The following BAIAP3 variants were observed in gnomAD, a reference collection of about 807,000 sequenced individuals.
BAIAP3 encodes BAI1-associated protein 3.
A neutral mutation model predicts 149.7 loss-of-function variants in BAIAP3; 180 were observed. The ratio of observed to expected loss-of-function variants is 1.20; its 90% CI spans 1.07 to 1.36. The LOEUF is 1.36. Ranked by LOEUF, BAIAP3 falls within the 40% of genes most tolerant of loss-of-function variation. The pLI is 0.00. For missense variants in BAIAP3, 1,767 were observed against 1,563.4 expected, an observed-to-expected ratio of 1.13 and a Z score of -2.20; for synonymous variants, 845 against 670.7, an observed-to-expected ratio of 1.26 and a Z score of -4.02.
Position 1,344,014 on chromosome 16 carries a change from C to T in BAIAP3, c.1387-8C>T. 6.2e-7 allele frequency: 1 copy of T among 1,611,958 alleles called. No homozygotes were observed. Among genetic ancestry groups the T allele is most frequent in the South Asian group, 1.1e-5 (1 of 91,068 alleles). On this transcript the variant is annotated splice_region_variant and splice_polypyrimidine_tract_variant and intron_variant, in intron 15 of 33. Transcript: ENST00000426824. Reference sequence around the variant, plus strand: ...GGCTGCTGGCACTGAAGGGCCCTGTCCCCACAGGAGGAGAGCCTGGCTGAT... The same window carrying T: ...GGCTGCTGGCACTGAAGGGCCCTGTTCCCACAGGAGGAGAGCCTGGCTGAT...
At chr16:1,347,458 A>C (rs565365092) in intron 29 of BAIAP3, 87 bp from the exon 30 acceptor site, 9 of 1,584,550 alleles carry the variant, frequency 5.7e-6, no homozygotes, top group Non-Finnish European at 7.7e-6. Flanking sequence ...CTTGAGCATG[A>C]GGTGGCCCCA....
chr16:1,347,589 G>C lies in BAIAP3; in HGVS notation c.2868G>C (p.Glu956Asp). 6.2e-7 allele frequency: 1 copy of C among 1,612,950 alleles called. No individual in the cohort carries two copies. Among genetic ancestry groups the C allele is most frequent in the Non-Finnish European group, 8.5e-7 (1 of 1,179,934 alleles). ...GGCTGCACAAATGTTCCACCCGCGAGTGCATCGAGCAGTTCTACCTGGACA... is the reference window on the plus strand; with the variant it reads ...GGCTGCACAAATGTTCCACCCGCGACTGCATCGAGCAGTTCTACCTGGACA... ...ELRLHKCSTR[E>D]CIEQFYLDKL... Residue 956 changes from glutamate to aspartate, a missense_variant, in exon 30 of 34, where the codon GAG (glutamate) becomes GAC (aspartate). Coordinates refer to ENST00000426824, the MANE Select transcript of BAIAP3 (RefSeq NM_001199097.2).
intron 28 of BAIAP3, 65 bp from the exon 29 acceptor site, chr16:1,347,233 G>A: frequency 1.3e-6 from 2 of 1,514,874 alleles, no homozygotes; most frequent in South Asian, 1.2e-5. Context: ...TTGTGCTGGG[G>A]GTCTCTACCT....
Position 1,348,511 on chromosome 16 carries a change from C to T in BAIAP3, c.*29C>T. On this transcript the variant is annotated 3_prime_UTR_variant, in exon 34 of 34. Transcript: ENST00000426824. ...CATCAGCTGCCAGCCCCGGCCCTGG[C>T]CCCCACCCCAAGTTCCCTGAAGCAT... 4 of 1,575,362 alleles carry T rather than the reference C, an allele frequency of 2.5e-6. No homozygotes were observed. Among genetic ancestry groups the T allele is most frequent in the African/African-American group, 2.7e-5 (2 of 73,844 alleles).
At chr16:1,343,978 T>C (rs896092334) in intron 15 of BAIAP3, 44 bp from the exon 16 acceptor site, 3 of 1,607,782 alleles carry the variant, frequency 1.9e-6, no homozygotes, top group African/African-American at 1.3e-5. Flanking sequence ...TCCTCATCAG[T>C]GGCCGGTCGG....
In BAIAP3 at chr16:1,347,293, C is replaced by T; in HGVS notation, c.2752-5C>T. ...TGACACCTCTGCCTTCTTTCCCTGC[C>T]CCAGGCCCTGGTCAGTTTTTTCCAC... On this transcript the variant is annotated splice_region_variant and splice_polypyrimidine_tract_variant and intron_variant, in intron 28 of 33. Coordinates refer to ENST00000426824, the MANE Select transcript of BAIAP3 (RefSeq NM_001199097.2). 1 of 1,612,962 alleles carries T rather than the reference C, an allele frequency of 6.2e-7. No homozygotes were observed. The highest frequency in any genetic ancestry group is 8.5e-7 in the Non-Finnish European group (1 of 1,179,842).
chr16:1,346,393 G>A (rs1392368509), intron 25 of BAIAP3, 32 bp downstream of exon 25: 2 of 1,611,330 alleles, frequency 1.2e-6, no homozygotes, highest in Non-Finnish European at 1.7e-6. Flanking sequence ...AGGCGTGGAG[G>A]CAGTCCCTGG....
Position 1,342,766 on chromosome 16 carries a change from C to CCTG in BAIAP3, c.1122_1124dup (p.Leu375dup). The CCTG allele has an allele frequency of 6.2e-7, 1 of 1,612,608 alleles. No individual in the cohort carries two copies. The highest frequency in any genetic ancestry group is 1.1e-5 in the South Asian group (1 of 91,060). On this transcript the variant is annotated inframe_insertion, in exon 13 of 34. Coordinates refer to ENST00000426824, the MANE Select transcript of BAIAP3 (RefSeq NM_001199097.2). ...GCGGGCGATCCGGCTTCCTGTCCCA[C>CCTG]CTGCTGCTGCTCAGCCATCTGCTGC...
At chr16:1,342,890 C>T in intron 13 of BAIAP3, 23 bp from the exon 14 acceptor site, 1 of 1,612,112 alleles carries the variant, frequency 6.2e-7, no homozygotes, top group Non-Finnish European at 8.5e-7. Context: ...CCGCCTCCAC[C>T]CACGACAGAC....
In BAIAP3 at chr16:1,339,512, A is replaced by G. The variant is rs371283238; in HGVS notation, c.317A>G (p.Glu106Gly). 35 of 1,610,388 alleles carry G rather than the reference A, an allele frequency of 2.2e-5. No individual in the cohort carries two copies. The highest frequency in any genetic ancestry group is 2.8e-5 in the Non-Finnish European group (33 of 1,178,074). ...CACCTGCAGGTGGAGATGCTCTACG[A>G]GGAGGCCCTGTACACGGTGCTTTAC... ...LAPEEVEMLY[E>G]EALYTVLYRA... The change falls in exon 5 of 34, where the codon GAG becomes GGG. Residue 106 changes from glutamate (E) to glycine (G), a missense_variant. Physicochemically the swap from Glu to Gly is moderately conservative, Grantham distance 98. Coordinates refer to ENST00000426824, the MANE Select transcript of BAIAP3 (RefSeq NM_001199097.2).
Position 1,347,705 on chromosome 16 carries a change from C to T in BAIAP3, c.2909C>T (p.Thr970Ile). ...QFYLDKLKQRTLEQNRFGRLS... is the reference protein window; with the variant it reads ...QFYLDKLKQRILEQNRFGRLS... ...CGCTCACCCGCCTTTCCGCAGAGGA[C>T]CCTGGAGCAGAACCGGTTTGGACGC... Residue 970 changes from threonine (T) to isoleucine (I), a missense_variant, in exon 31 of 34, where the codon ACC becomes ATC. Transcript: ENST00000426824. 6.2e-7 allele frequency: 1 copy of T among 1,611,062 alleles called. No homozygotes were observed.
chr16:1,345,561 C>T, intron 22 of BAIAP3, 186 bp from the exon 23 acceptor site: 1 of 586,452 alleles, frequency 1.7e-6, no homozygotes, highest in Non-Finnish European at 2.7e-6. Flanking sequence ...TCCCCAGCAA[C>T]CCCAGCCTCC....
rs557136138 is a variant in BAIAP3 at position 1,348,528 on chromosome 16, C to G, written c.*46C>G. 8.5e-6 allele frequency: 13 copies of G among 1,537,262 alleles called. No homozygotes were observed. In the African/African-American group the frequency reaches 1.5e-4, roughly 18 times the overall value. On this transcript the variant is annotated 3_prime_UTR_variant, in exon 34 of 34. Transcript: ENST00000426824. ...GGCCCTGGCCCCCACCCCAAGTTCC[C>G]TGAAGCATCCTCCAGCTCACTGTGG...
intron 17 of BAIAP3, 63 bp from the exon 18 acceptor site, chr16:1,344,404 GTC>G: frequency 6.2e-7 from 1 of 1,610,564 alleles, no homozygotes; most frequent in Non-Finnish European, 8.5e-7. Flanking sequence ...CTGCACCACG[GTC>G]TCTTGCCCAC....
chr16:1,348,068 G>A (rs1441935258), intron 32 of BAIAP3, 28 bp from the exon 33 acceptor site: 13 of 1,474,784 alleles, frequency 8.8e-6, no homozygotes, highest in Non-Finnish European at 8.0e-6. Flanking sequence ...CTGCCGGAGC[G>A]AGACTCCCGA....
At chr16:1,339,777 CACAG>C (rs2057115914) in intron 5 of BAIAP3, among the ~76,000 whole-genome samples, 174 bp downstream of exon 5, 2 of 148,900 alleles carry the variant, frequency 1.3e-5, no homozygotes, top group African/African-American at 5.1e-5. Flanking sequence ...TGCAGGTGCA[CACAG>C]ACACACGCAC....
intron 1 of BAIAP3, among the ~76,000 whole-genome samples, chr16:1,335,412 G>C (rs2033389035): frequency 6.6e-6 from 1 of 152,148 alleles, no homozygotes. Flanking sequence ...TACTGTCCCA[G>C]GGTGAGAGAC....
At chr16:1,340,582 G>T (rs2033858923) in intron 5 of BAIAP3, among the ~76,000 whole-genome samples, 2 of 151,680 alleles carry the variant, frequency 1.3e-5, no homozygotes, top group South Asian at 2.1e-4. Flanking sequence ...CAGGCTGCAT[G>T]TCTACACAGA....
intron 15 of BAIAP3, 52 bp downstream of exon 15, chr16:1,343,565 A>G (rs1379428031): frequency 6.3e-7 from 1 of 1,593,372 alleles, no homozygotes; most frequent in Non-Finnish European, 8.5e-7. Context: ...AGTGCTGGGG[A>G]CTGGGGTCGC....
Sources: gnomAD v4.1 joint callset for allele counts (sites outside exome capture counted in the v4.1 genomes callset) on GRCh38, gnomAD v4.1.1 for gene constraint, MANE v1.5 for transcripts, NCBI Gene and HGNC (gene_info 2026-07-23, HGNC 2026-07-21) for gene names.